The following LARGE1 variants were observed in gnomAD, a reference collection of about 807,000 sequenced individuals.
LARGE1 encodes the protein xylosyl- and glucuronyltransferase LARGE1.
In LARGE1, 43 loss-of-function variants were observed where a neutral mutation model predicts 87.6. That is an observed-to-expected ratio of 0.49 (90% CI 0.38 to 0.63). The LOEUF (loss-of-function observed/expected upper bound fraction) is 0.63. Among genes scored for constraint, LARGE1 ranks in the 30% least tolerant of loss-of-function variants. LARGE1 has a pLI of 0.00. For synonymous variants in LARGE1, 434 were observed against 394.6 expected (o/e 1.10, Z -1.18); for missense variants, 802 against 1,000.2 (o/e 0.80, Z 2.67).
At chr22:33,378,113 G>A (rs930731514) in intron 9 of LARGE1, among the ~76,000 whole-genome samples, 2 of 152,080 alleles carry the variant, frequency 1.3e-5, no homozygotes, top group African/African-American at 4.8e-5. Context: ...TGAGAACCTT[G>A]CTTTCCTTGT....
At chr22:33,437,844 T>C (rs2067326383) in intron 6 of LARGE1, among the ~76,000 whole-genome samples, 2 of 152,134 alleles carry the variant, frequency 1.3e-5, no homozygotes, top group Admixed American at 1.3e-4. Context: ...AGCAGCATGA[T>C]ATTAGCAGTG....
chr22:33,859,725 A>G (rs1446584043), intron 1 of LARGE1, among the ~76,000 whole-genome samples: 2 of 152,186 alleles, frequency 1.3e-5, no homozygotes, highest in East Asian at 1.9e-4. Context: ...TATGACATGT[A>G]TGGTTCATCA....
At chr22:33,671,975 T>C (rs1380700892) in intron 2 of LARGE1, among the ~76,000 whole-genome samples, 2 of 152,206 alleles carry the variant, frequency 1.3e-5, no homozygotes, top group African/African-American at 2.4e-5. Flanking sequence ...TCAAATGTTA[T>C]GTTTAGGAGA....
chr22:33,333,828 G>C (rs897606535), intron 10 of LARGE1, among the ~76,000 whole-genome samples: 2 of 152,102 alleles, frequency 1.3e-5, no homozygotes, highest in African/African-American at 4.8e-5. Context: ...CTGACAAAAA[G>C]AAAACAGGGG....
intron 6 of LARGE1, among the ~76,000 whole-genome samples, chr22:33,517,399 C>G (rs1173429049): frequency 2.6e-5 from 4 of 152,080 alleles, no homozygotes; most frequent in African/African-American, 9.7e-5. Context: ...ATATAATGCA[C>G]AAAGAATTCT....
At chr22:33,591,324 C>T in intron 5 of LARGE1, among the ~76,000 whole-genome samples, 1 of 152,296 alleles carries the variant, frequency 6.6e-6, no homozygotes, top group Admixed American at 6.5e-5. Flanking sequence ...ATTGTGAGTC[C>T]TTTTAATCTT....
intron 9 of LARGE1, among the ~76,000 whole-genome samples, chr22:33,372,527 G>A (rs1238696317): frequency 2.0e-5 from 3 of 152,156 alleles, no homozygotes; most frequent in African/African-American, 7.2e-5. Context: ...GCAAGACAGA[G>A]TGAGAGCCAA....
intron 6 of LARGE1, among the ~76,000 whole-genome samples, chr22:33,514,219 A>T (rs1247635126): frequency 6.6e-6 from 1 of 151,852 alleles, no homozygotes; most frequent in East Asian, 2.0e-4. Flanking sequence ...GTGGATACTG[A>T]GGGATGACTG....
rs773834183 is a variant in LARGE1, at chr22:33,283,152, G to A, written c.1877+50C>T. 9.9e-6 allele frequency: 16 copies of A among 1,611,512 alleles called. No homozygotes were observed. In the South Asian group the frequency reaches 1.8e-4, roughly 18 times the overall value. ...GCTTTGGCATCTGGGTTTCCCAGGA[G>A]AAAGAAGGCCTTCGAGCACCCCCAG... is the stretch of plus-strand genomic sequence containing the variant. On this transcript the variant is annotated intron_variant, in intron 13 of 14. Transcript: ENST00000397394.
intron 11 of LARGE1, among the ~76,000 whole-genome samples, chr22:33,182,364 T>C (rs968809693): frequency 6.6e-6 from 1 of 152,204 alleles, no homozygotes; most frequent in East Asian, 1.9e-4. Context: ...CTCTTTCCTG[T>C]TTCTGTTTGT....
At chr22:33,134,877 T>G in the LARGE1 span, among the ~76,000 whole-genome samples, 5 of 152,166 alleles carry the variant, frequency 3.3e-5, no homozygotes, top group East Asian at 9.6e-4. Flanking sequence ...CCAGATTTCT[T>G]TTATATGTGA....
chr22:33,278,541 A>T (rs1929776892), intron 13 of LARGE1, among the ~76,000 whole-genome samples: 1 of 129,494 alleles, frequency 7.7e-6, no homozygotes, highest in African/African-American at 4.0e-5. Context: ...GACTATTTTA[A>T]ATCTCTCTCT....
chr22:33,433,680 C>T (rs774611698), intron 6 of LARGE1, among the ~76,000 whole-genome samples: 1 of 149,884 alleles, frequency 6.7e-6, no homozygotes, highest in Non-Finnish European at 1.5e-5. Flanking sequence ...AAAAGTCACA[C>T]ACCTAACAAT....
intron 7 of LARGE1, among the ~76,000 whole-genome samples, chr22:33,404,643 G>C (rs2147354215): frequency 6.6e-6 from 1 of 152,326 alleles, no homozygotes; most frequent in East Asian, 1.9e-4. Flanking sequence ...ATTTAGTGCT[G>C]GGAAGTAAGA....
At chr22:33,919,733 G>A (rs902343978) in intron 1 of LARGE1, among the ~76,000 whole-genome samples, 2 of 152,234 alleles carry the variant, frequency 1.3e-5, no homozygotes, top group Non-Finnish European at 2.9e-5. Flanking sequence ...GTGTTAACCA[G>A]AAACTCCTCC....
chr22:33,762,888 G>A (rs764246544), intron 1 of LARGE1, among the ~76,000 whole-genome samples: 3 of 152,300 alleles, frequency 2.0e-5, no homozygotes, highest in Middle Eastern at 3.4e-3. Context: ...AACCCACATG[G>A]TGCTTCCCTA....
rs533666269 is a variant in LARGE1, at chr22:33,312,239, T to C, written c.1451+3846A>G. ...TGGGCAGATCACGAAGTCAAGAGATTGAGACCATGCTGGCCAACATGGTGA... is the reference window on the plus strand; with the variant it reads ...TGGGCAGATCACGAAGTCAAGAGATCGAGACCATGCTGGCCAACATGGTGA... On this transcript the variant is annotated intron_variant, in intron 11 of 14. Transcript: ENST00000397394. Among the ~76,000 whole-genome samples the C allele has an allele frequency of 1.5e-4, 23 of 152,102 alleles. No homozygotes were observed. The East Asian group carries it at 3.7e-3, about 24-fold the overall frequency.
rs544190543 is a variant in LARGE1 at position 33,390,985 on chromosome 22, C to A, written c.893-6681G>T. ...GTGCTGGGAACACAGGTGTAAACCA[C>A]CACACCCAGCTAATTTTTTGTATTT... is the stretch of plus-strand genomic sequence containing the variant. On this transcript the variant is annotated intron_variant, in intron 7 of 14. Coordinates refer to ENST00000397394, the MANE Select transcript of LARGE1 (RefSeq NM_133642.5). Among the ~76,000 whole-genome samples the A allele has an allele frequency of 6.0e-4, 91 of 152,286 alleles. 2 individuals carry two copies. In the South Asian group the frequency reaches 0.018, roughly 30 times the overall value.
chr22:33,541,201 G>GAAAAAAAAAA (rs11368503), intron 6 of LARGE1, among the ~76,000 whole-genome samples: 3 of 133,646 alleles, frequency 2.2e-5, no homozygotes, highest in Admixed American at 1.5e-4. Flanking sequence ...GGGAAAAAAA[G>GAAAAAAAAAA]AAAAAAAAAA....
Sources: gnomAD v4.1 joint callset for allele counts (sites outside exome capture counted in the v4.1 genomes callset) on GRCh38, gnomAD v4.1.1 for gene constraint, MANE v1.5 for transcripts, NCBI Gene and HGNC (gene_info 2026-07-23, HGNC 2026-07-21) for gene names.